GUCY2C: variants seen among roughly 807,000 people sequenced by gnomAD.
The protein encoded by GUCY2C is guanylate cyclase 2C.
A neutral mutation model predicts 131.1 loss-of-function variants in GUCY2C; 118 were observed. The ratio of observed to expected loss-of-function variants is 0.90; its 90% CI spans 0.78 to 1.05. The LOEUF is 1.05. GUCY2C is among the 50% of genes least tolerant of loss of function. The pLI is 0.00. For synonymous variants in GUCY2C, 452 were observed against 457.8 expected, an observed-to-expected ratio of 0.99 and a Z score of 0.16; for missense variants, 1,161 against 1,304.4, an observed-to-expected ratio of 0.89 and a Z score of 1.69.
chr12:14,682,733 A>G (rs1304734952), intron 4 of GUCY2C, among the ~76,000 whole-genome samples: 1 of 152,238 alleles, frequency 6.6e-6, no homozygotes. Context: ...TTCCTTGTCT[A>G]TAAAATAGGG....
rs1048255756 is a variant in GUCY2C at position 14,688,118 on chromosome 12, A to T, written c.218-55T>A. The T allele has an allele frequency of 5.7e-6, 6 of 1,056,998 alleles. No individual in the cohort carries two copies. The African/African-American group carries it at 6.2e-5, about 11-fold the overall frequency. The allele number at this position is 1,056,998 out of a possible 1,614,324, so 65.5% of individuals were successfully genotyped here. ...CACTAGTGTTATTTTTCAGTAATTT[A>T]TATCAGCCATGAGATTGATTCTGGG... On this transcript the variant is annotated intron_variant, in intron 1 of 26. Coordinates refer to ENST00000261170, the MANE Select transcript of GUCY2C (RefSeq NM_004963.4).
intron 17 of GUCY2C, among the ~76,000 whole-genome samples, chr12:14,642,430 CAT>C (rs1327780788): frequency 1.3e-5 from 2 of 152,144 alleles, no homozygotes; most frequent in Non-Finnish European, 2.9e-5. Flanking sequence ...TTCAATGAAA[CAT>C]GTATAGTTTC....
chr12:14,651,033 G>C (rs1317029201), intron 15 of GUCY2C, among the ~76,000 whole-genome samples: 1 of 152,118 alleles, frequency 6.6e-6, no homozygotes, highest in East Asian at 1.9e-4. Flanking sequence ...TTGGACAGCA[G>C]CAGAACCAAG....
chr12:14,656,293 A>G (rs565769688), intron 12 of GUCY2C, among the ~76,000 whole-genome samples: 1 of 152,336 alleles, frequency 6.6e-6, no homozygotes, highest in Admixed American at 6.5e-5. Flanking sequence ...AGAACACACC[A>G]TATCTCAGCC....
At chr12:14,673,019 G>T in intron 8 of GUCY2C, 61 bp from the exon 9 acceptor site, 2 of 920,804 alleles carry the variant, frequency 2.2e-6, no homozygotes, top group Non-Finnish European at 3.7e-6. Context: ...AGATAAGTTG[G>T]ATCATGACAG....
chr12:14,617,045 A>G (rs1319922138), intron 24 of GUCY2C, among the ~76,000 whole-genome samples: 1 of 152,088 alleles, frequency 6.6e-6, no homozygotes, highest in African/African-American at 2.4e-5. Flanking sequence ...AGTTGTCACA[A>G]GATCTGGTCA....
intron 19 of GUCY2C, among the ~76,000 whole-genome samples, chr12:14,638,967 C>T (rs553473267): frequency 1.6e-4 from 24 of 152,186 alleles, no homozygotes; most frequent in African/African-American, 5.8e-4. Flanking sequence ...ATCACATATA[C>T]CCCACAAATA....
chr12:14,662,047 G>A lies in GUCY2C; in HGVS notation c.1283-985C>T, dbSNP rs543000021. On this transcript the variant is annotated intron_variant, in intron 10 of 26. Transcript: ENST00000261170. ...AGAGAAGGACAGCAACAAGAAGACTGCACGGGAAAGTCGTGGTTCATATAT... is the reference window on the plus strand; with the variant it reads ...AGAGAAGGACAGCAACAAGAAGACTACACGGGAAAGTCGTGGTTCATATAT... Among the ~76,000 whole-genome samples the A allele has an allele frequency of 6.6e-5, 10 of 152,202 alleles. No individual in the cohort carries two copies. In the South Asian group the frequency reaches 2.1e-3, roughly 32 times the overall value.
rs535707148 is a variant in GUCY2C, at chr12:14,663,385, G to A, written c.1283-2323C>T. On this transcript the variant is annotated intron_variant, in intron 10 of 26. Transcript: ENST00000261170. ...GCAACCTCCACCCTCCAGGTTCAAA[G>A]ATTCTCCTGCCTCAGCCTCCCAAGT... Among the ~76,000 whole-genome samples, 12 of 152,338 alleles carry A rather than the reference G, an allele frequency of 7.9e-5. No individual in the cohort carries two copies. The South Asian group carries it at 2.3e-3, about 29-fold the overall frequency.
chr12:14,643,837 C>T, intron 16 of GUCY2C, 131 bp from the exon 17 acceptor site: 1 of 760,290 alleles, frequency 1.3e-6, no homozygotes, highest in Middle Eastern at 2.5e-4. Flanking sequence ...ATTTTAGTCC[C>T]ACTATTTTTA....
At chr12:14,644,832 C>T (rs1194683699) in intron 16 of GUCY2C, among the ~76,000 whole-genome samples, 1 of 149,478 alleles carries the variant, frequency 6.7e-6, no homozygotes, top group East Asian at 2.0e-4. Context: ...ACCTCCATCT[C>T]GTGGGTTCAA....
intron 15 of GUCY2C, among the ~76,000 whole-genome samples, chr12:14,648,932 C>T (rs1434082266): frequency 6.6e-6 from 1 of 152,182 alleles, no homozygotes; most frequent in Non-Finnish European, 1.5e-5. Flanking sequence ...TTTAACTCTA[C>T]AAGAGTTGTT....
At chr12:14,650,439 G>T (rs1319790624) in intron 15 of GUCY2C, among the ~76,000 whole-genome samples, 1 of 152,118 alleles carries the variant, frequency 6.6e-6, no homozygotes, top group Non-Finnish European at 1.5e-5. Context: ...GTAGAGATGG[G>T]GTTTCACCGT....
At chr12:14,688,188 G>A in intron 1 of GUCY2C, 125 bp from the exon 2 acceptor site, 4 of 646,400 alleles carry the variant, frequency 6.2e-6, no homozygotes, top group East Asian at 5.5e-5. Context: ...TTTACATCCT[G>A]AGCCCTTGTT....
intron 21 of GUCY2C, among the ~76,000 whole-genome samples, chr12:14,623,685 G>A (rs573069673): frequency 1.3e-5 from 2 of 152,306 alleles, no homozygotes; most frequent in South Asian, 4.1e-4. Flanking sequence ...GAGGGACCTG[G>A]TGGGAGGTGA....
chr12:14,652,153 TTGA>T (rs1439753679), intron 13 of GUCY2C, 123 bp from the exon 14 acceptor site: 2 of 365,396 alleles, frequency 5.5e-6, no homozygotes, highest in Non-Finnish European at 9.7e-6. Context: ...CAGTATTTGA[TTGA>T]TTTTTTATAT....
At chr12:14,619,176 C>A (rs1339318373) in intron 24 of GUCY2C, 35 bp downstream of exon 24, 4 of 1,273,806 alleles carry the variant, frequency 3.1e-6, no homozygotes, top group African/African-American at 1.5e-5. Context: ...AAAACAGCAT[C>A]TTTGTCCTCT....
intron 12 of GUCY2C, among the ~76,000 whole-genome samples, 185 bp from the exon 13 acceptor site, chr12:14,653,199 C>T (rs183449046): frequency 7.5e-4 from 114 of 152,330 alleles, no homozygotes; most frequent in African/African-American, 2.5e-3. Flanking sequence ...ACTCCAGCAA[C>T]GTGTTTCCAG....
chr12:14,646,133 G>A (rs548528444), intron 15 of GUCY2C, among the ~76,000 whole-genome samples: 18 of 152,106 alleles, frequency 1.2e-4, no homozygotes, highest in Non-Finnish European at 2.2e-4. Context: ...ACCGCGCCCC[G>A]CCTATATCTG....
Sources: allele counts gnomAD v4.1 joint callset (sites outside exome capture counted in the v4.1 genomes callset), GRCh38; gene constraint gnomAD v4.1.1; transcripts MANE v1.5; gene names NCBI Gene and HGNC (gene_info 2026-07-23, HGNC 2026-07-21).